Variants in ENOX2 observed in about 807,000 individuals in gnomAD.
ENOX2 encodes ecto-NOX disulfide-thiol exchanger 2.
In ENOX2, 36 loss-of-function variants were observed where a neutral mutation model predicts 45.0. That is an observed-to-expected ratio of 0.80 (90% confidence interval 0.61 to 1.06). ENOX2 has a LOEUF of 1.06. Ranked by LOEUF, ENOX2 falls within the 50% of genes least tolerant of loss-of-function variation. ENOX2 has a pLI of 0.00. For synonymous variants in ENOX2, 174 were observed against 152.3 expected (o/e 1.14, Z -1.05); for missense variants, 423 against 462.5 (o/e 0.91, Z 0.78).
chrX:130,682,345 G>C (rs1410604503), intron 5 of ENOX2, among the ~76,000 whole-genome samples: 1 of 109,159 alleles, frequency 9.2e-6, no homozygotes, highest in Non-Finnish European at 1.9e-5. Flanking sequence ...AATTCTTTGG[G>C]GGGCTGAGGT....
intron 2 of ENOX2, among the ~76,000 whole-genome samples, chrX:130,864,543 G>C (rs1440116459): frequency 8.9e-6 from 1 of 112,067 alleles, no homozygotes. Flanking sequence ...ATTTGTTACA[G>C]GGCAGTTGAT....
rs777166173 is a variant in ENOX2, at chrX:130,863,248, T to C, written c.-183+38436A>G. ...CAGAATGTTAAAGCTAGGTGGGACC[T>C]CAGACATAAGCTAATCCAAACTCTT... On this transcript the variant is annotated intron_variant, in intron 2 of 14. Transcript: ENST00000394363. 4.1e-3 allele frequency among the ~76,000 whole-genome samples: 456 copies of C among 112,569 alleles called. 2 individuals are homozygous for C. The highest frequency in any genetic ancestry group is 0.014 in the African/African-American group (431 of 31,093).
At chrX:130,637,441 T>A in intron 10 of ENOX2, 31 bp from the exon 11 acceptor site, 1 of 1,132,508 alleles carries the variant, frequency 8.8e-7, no homozygotes, top group Non-Finnish European at 1.2e-6. Context: ...TGAAACCATA[T>A]ATCCAGATTC....
chrX:130,773,942 T>C (rs1259996941), intron 3 of ENOX2, among the ~76,000 whole-genome samples: 2 of 112,017 alleles, frequency 1.8e-5, no homozygotes, highest in African/African-American at 6.5e-5. Context: ...AATTTCATCA[T>C]TATGGATTTT....
At chrX:130,814,385 C>T (rs1351519336) in intron 2 of ENOX2, among the ~76,000 whole-genome samples, 2 of 112,228 alleles carry the variant, frequency 1.8e-5, no homozygotes, top group African/African-American at 3.2e-5. Flanking sequence ...GCACAGCTCT[C>T]GAGCTCTGCT....
Position 130,774,687 on chromosome X carries a change from CTG to C in ENOX2, c.-39+8858_-39+8859del, listed in dbSNP as rs1477109454. On this transcript the variant is annotated intron_variant, in intron 3 of 14. Transcript: ENST00000394363. Reference sequence around the variant, plus strand: ...ATGCTGAAATGGCAGCAGAAGTATTCTGTGTTTCAAATTTATAAAAATGAAAT... The same window carrying C: ...ATGCTGAAATGGCAGCAGAAGTATTCTGTTTCAAATTTATAAAAATGAAAT... 5.4e-5 allele frequency among the ~76,000 whole-genome samples: 6 copies of C among 111,869 alleles called. No individual in the cohort carries two copies. In the Admixed American group the frequency reaches 5.7e-4, roughly 11 times the overall value.
At position 130,718,753 on chromosome X, in the gene ENOX2, T is replaced by C. The variant is rs774996488; in HGVS notation, c.-38-15499A>G. Among the ~76,000 whole-genome samples, 3 of 111,465 alleles carry C rather than the reference T, an allele frequency of 2.7e-5. No homozygotes were observed. In the East Asian group the frequency reaches 8.5e-4, roughly 31 times the overall value. ...TTAAACCTTCTTTTCCGATGCTTTA[T>C]TACTGGTCCATGTGGAAGCTTCCCC... is the stretch of plus-strand genomic sequence containing the variant. On this transcript the variant is annotated intron_variant, in intron 3 of 14. Coordinates refer to ENST00000394363, the MANE Select transcript of ENOX2 (RefSeq NM_006375.4).
chrX:130,724,843 G>A (rs1229093244), intron 3 of ENOX2, among the ~76,000 whole-genome samples: 18 of 111,768 alleles, frequency 1.6e-4, no homozygotes, highest in Non-Finnish European at 3.4e-4. Context: ...GGGTGGCCTG[G>A]GTGACAGGTG....
intron 2 of ENOX2, among the ~76,000 whole-genome samples, chrX:130,879,669 AC>A (rs1265546211): frequency 8.9e-6 from 1 of 112,140 alleles, no homozygotes; most frequent in African/African-American, 3.2e-5. Flanking sequence ...TATTGAGAGT[AC>A]TAACAAGGAT....
At chrX:130,778,103 TG>T (rs1182224999) in intron 3 of ENOX2, among the ~76,000 whole-genome samples, 10 of 111,713 alleles carry the variant, frequency 9.0e-5, no homozygotes, top group African/African-American at 2.9e-4. Flanking sequence ...AAAGTACACA[TG>T]AAATAAAAAG....
Position 130,743,457 on chromosome X carries a change from C to T in ENOX2, c.-39+40090G>A, listed in dbSNP as rs185327753. Among the ~76,000 whole-genome samples the T allele has an allele frequency of 7.1e-4, 78 of 109,338 alleles. 1 individual carries two copies. The highest frequency in any genetic ancestry group is 4.9e-3 in the Admixed American group (50 of 10,276). The allele number at this position is 109,338 out of a possible 115,157, so 94.9% of individuals were successfully genotyped here. A position where few individuals can be genotyped will look rare whatever the true frequency, so the allele number is the denominator to read the frequency against. On this transcript the variant is annotated intron_variant, in intron 3 of 14. Coordinates refer to ENST00000394363, the MANE Select transcript of ENOX2 (RefSeq NM_006375.4). Reference sequence around the variant, plus strand: ...GTAACTGGGGTGAAGTGTTTGGAAACTATTTCCTATGAGGGATTTTTTTTT... The same window carrying T: ...GTAACTGGGGTGAAGTGTTTGGAAATTATTTCCTATGAGGGATTTTTTTTT...
chrX:130,890,881 G>A (rs746762307), intron 2 of ENOX2, among the ~76,000 whole-genome samples: 18 of 113,084 alleles, frequency 1.6e-4, no homozygotes, highest in African/African-American at 5.4e-4. Flanking sequence ...GAAATGGCCA[G>A]GCTGGGATTG....
chrX:130,810,316 T>C (rs749053108), intron 2 of ENOX2, among the ~76,000 whole-genome samples: 4 of 110,954 alleles, frequency 3.6e-5, no homozygotes, highest in Non-Finnish European at 5.7e-5. Flanking sequence ...CCACGACATG[T>C]AGACTCAGTC....
At chrX:130,646,032 TGTAAC>T (rs1378145047) in intron 10 of ENOX2, 12 of 569,138 alleles carry the variant, frequency 2.1e-5, no homozygotes, top group African/African-American at 4.5e-5. Context: ...GAATGGCTGC[TGTAAC>T]GTCAACGTCC....
intron 3 of ENOX2, among the ~76,000 whole-genome samples, chrX:130,723,027 C>A (rs970254673): frequency 8.9e-6 from 1 of 112,211 alleles, no homozygotes; most frequent in African/African-American, 3.2e-5. Context: ...TTGGCAAGTG[C>A]CAGAGATCCC....
chrX:130,800,554 A>C (rs1374989728), intron 2 of ENOX2, among the ~76,000 whole-genome samples: 1 of 111,728 alleles, frequency 9.0e-6, no homozygotes, highest in Non-Finnish European at 1.9e-5. Flanking sequence ...TAATACATCT[A>C]CAAAATGTCT....
At chrX:130,630,273 C>T (rs1048832893) in intron 13 of ENOX2, among the ~76,000 whole-genome samples, 9 of 111,159 alleles carry the variant, frequency 8.1e-5, no homozygotes, top group South Asian at 7.8e-4. Context: ...GGTCTTTGTC[C>T]GTGGTCCCCG....
chrX:130,655,833 G>A (rs894358866), intron 10 of ENOX2, among the ~76,000 whole-genome samples: 5 of 111,673 alleles, frequency 4.5e-5, no homozygotes, highest in South Asian at 3.8e-4. Context: ...ATGGGGTTTC[G>A]CCATTTTGGT....
chrX:130,791,636 C>T (rs778945829), intron 2 of ENOX2, among the ~76,000 whole-genome samples: 8 of 111,682 alleles, frequency 7.2e-5, no homozygotes, highest in Non-Finnish European at 1.3e-4. Flanking sequence ...CAAGGTGTAT[C>T]TGTAGTTGTG....
Sources: allele counts gnomAD v4.1 joint callset (sites outside exome capture counted in the v4.1 genomes callset), GRCh38; gene constraint gnomAD v4.1.1; transcripts MANE v1.5; gene names NCBI Gene and HGNC (gene_info 2026-07-23, HGNC 2026-07-21).